The following TMC2 variants were observed in gnomAD, a reference collection of about 807,000 sequenced individuals.
TMC2 encodes the protein transmembrane channel-like protein 2.
In TMC2, 102 loss-of-function variants were observed where a neutral mutation model predicts 105.9. The ratio of observed to expected loss-of-function variants is 0.96; its 90% CI spans 0.82 to 1.14. TMC2 has a LOEUF of 1.14. TMC2 is among the 50% of genes most tolerant of loss of function. The probability of loss-of-function intolerance (pLI) is 0.00; values close to 1 mark genes in which losing one functional copy is unlikely to be tolerated. For synonymous variants in TMC2, 402 were observed against 422.8 expected (o/e 0.95, Z 0.60); for missense variants, 1,093 against 1,134.3 (o/e 0.96, Z 0.52).
At chr20:2,621,530 G>T (rs148341789) in intron 16 of TMC2, among the ~76,000 whole-genome samples, 3 of 151,696 alleles carry the variant, frequency 2.0e-5, no homozygotes, top group African/African-American at 7.3e-5. Flanking sequence ...CTAGCCAGGC[G>T]TGGTGGCAAG....
At chr20:2,581,300 C>A (rs1272840270) in intron 7 of TMC2, among the ~76,000 whole-genome samples, 2 of 152,154 alleles carry the variant, frequency 1.3e-5, no homozygotes, top group African/African-American at 2.4e-5. Context: ...TTGTTGAATT[C>A]TTTTCTATAT....
At position 2,642,560 on chromosome 20, in the gene TMC2, T is replaced by C. The variant is rs184695501; in HGVS notation, c.*1209T>C. On this transcript the variant is annotated 3_prime_UTR_variant, in exon 20 of 20. Coordinates refer to ENST00000358864, the MANE Select transcript of TMC2 (RefSeq NM_080751.3). ...GCAAAAGGTACAATGCAGAGCGTTG[T>C]CTCTGGGGATTCTATGTTCACTTAG... Among the ~76,000 whole-genome samples the C allele has an allele frequency of 1.2e-4, 18 of 152,318 alleles. No individual in the cohort carries two copies. The East Asian group carries it at 3.1e-3, about 26-fold the overall frequency.
intron 17 of TMC2, among the ~76,000 whole-genome samples, chr20:2,633,638 C>T (rs1424416720): frequency 6.6e-5 from 10 of 152,104 alleles, no homozygotes; most frequent in African/African-American, 9.7e-5. Flanking sequence ...CAAATAATGA[C>T]AGTTCTCTGG....
At chr20:2,573,499 A>G (rs1201546530) in intron 5 of TMC2, among the ~76,000 whole-genome samples, 1 of 151,116 alleles carries the variant, frequency 6.6e-6, no homozygotes, top group Non-Finnish European at 1.5e-5. Context: ...TTTTTGTGCT[A>G]ATTTTATATC....
chr20:2,575,189 A>G (rs1280818553), intron 5 of TMC2, among the ~76,000 whole-genome samples: 1 of 151,412 alleles, frequency 6.6e-6, no homozygotes, highest in Non-Finnish European at 1.5e-5. Context: ...CTGTTCAAGT[A>G]TATTTTTTTT....
chr20:2,639,295 C>G (rs1325321009), intron 19 of TMC2, among the ~76,000 whole-genome samples: 3 of 152,214 alleles, frequency 2.0e-5, no homozygotes, highest in Non-Finnish European at 4.4e-5. Context: ...TCACTCATCA[C>G]CCACTCACTG....
chr20:2,584,370 G>C (rs1324559871), intron 7 of TMC2, among the ~76,000 whole-genome samples: 3 of 143,880 alleles, frequency 2.1e-5, no homozygotes, highest in Non-Finnish European at 4.5e-5. Flanking sequence ...CGTGAACCCG[G>C]GAGGCGGAGC....
At chr20:2,555,071 G>GTT (rs769194168) in intron 2 of TMC2, among the ~76,000 whole-genome samples, 4 of 151,856 alleles carry the variant, frequency 2.6e-5, no homozygotes, top group African/African-American at 9.7e-5. Flanking sequence ...TCTCCTTGCA[G>GTT]TTTTTTTATG....
At chr20:2,611,554 C>T (rs2086438323) in intron 12 of TMC2, among the ~76,000 whole-genome samples, 1 of 152,154 alleles carries the variant, frequency 6.6e-6, no homozygotes. Context: ...GTCACTGCCT[C>T]CCGGAAGTCT....
At chr20:2,609,782 C>T (rs2086421405) in intron 11 of TMC2, among the ~76,000 whole-genome samples, 2 of 152,134 alleles carry the variant, frequency 1.3e-5, no homozygotes, top group Admixed American at 1.3e-4. Flanking sequence ...CAAGACCAGC[C>T]GAGAAGAGTT....
rs372074611 is a variant in TMC2, at chr20:2,579,999, G to A, written c.777G>A (p.Met259Ile). ...VASYFIFLRW[M>I]YGVNLVLFGL... ...CGTATTTCATCTTTCTCCGATGGATGTATGGAGTTAACCTTGTCCTTTTTG... is the reference window on the plus strand; with the variant it reads ...CGTATTTCATCTTTCTCCGATGGATATATGGAGTTAACCTTGTCCTTTTTG... The change falls in exon 7 of 20, where the codon ATG (methionine) becomes ATA (isoleucine). Residue 259 changes from methionine (M) to isoleucine (I), a missense_variant. Transcript: ENST00000358864. 3.2e-5 allele frequency: 52 copies of A among 1,613,924 alleles called. 1 individual carries two copies. The South Asian group carries it at 3.4e-4, about 11-fold the overall frequency.
chr20:2,591,917 G>T (rs2086271957), intron 7 of TMC2, among the ~76,000 whole-genome samples: 1 of 152,172 alleles, frequency 6.6e-6, no homozygotes, highest in African/African-American at 2.4e-5. Flanking sequence ...ACTTTGGGAG[G>T]CCAAGGTGGG....
chr20:2,630,903 A>C (rs999954342), intron 17 of TMC2, among the ~76,000 whole-genome samples: 4 of 152,188 alleles, frequency 2.6e-5, no homozygotes, highest in African/African-American at 9.7e-5. Flanking sequence ...CCATTCTGTC[A>C]ATCTGTGCTT....
intron 19 of TMC2, among the ~76,000 whole-genome samples, chr20:2,639,900 T>C (rs2086675885): frequency 6.6e-6 from 1 of 152,198 alleles, no homozygotes; most frequent in South Asian, 2.1e-4. Flanking sequence ...GTTTTAAAAT[T>C]AAACAGTGTC....
chr20:2,633,320 A>G (rs1267826205), intron 17 of TMC2, among the ~76,000 whole-genome samples: 1 of 65,504 alleles, frequency 1.5e-5, no homozygotes, highest in Non-Finnish European at 3.4e-5. Context: ...TCTTTCTTGG[A>G]CACATAAACA....
At chr20:2,632,941 C>A (rs1445418544) in intron 17 of TMC2, among the ~76,000 whole-genome samples, 1 of 152,170 alleles carries the variant, frequency 6.6e-6, no homozygotes, top group Non-Finnish European at 1.5e-5. Context: ...TATTATATGG[C>A]AGCCATGGAA....
chr20:2,621,940 G>A (rs1221702474), intron 16 of TMC2, among the ~76,000 whole-genome samples: 3 of 152,086 alleles, frequency 2.0e-5, no homozygotes, highest in Admixed American at 1.3e-4. Flanking sequence ...CTAATTCAAC[G>A]ACAAAATAAT....
At position 2,602,315 on chromosome 20, in the gene TMC2, C is replaced by T. The variant is rs150942490; in HGVS notation, c.1413+14C>T. 1.2e-5 allele frequency: 18 copies of T among 1,554,050 alleles called. No homozygotes were observed. The highest frequency in any genetic ancestry group is 7.0e-5 in the East Asian group (3 of 42,796). On this transcript the variant is annotated intron_variant, in intron 11 of 19. Coordinates refer to ENST00000358864, the MANE Select transcript of TMC2 (RefSeq NM_080751.3). ...GAAAGGAATGAGGTAAGAAAAACAT[C>T]GCTGATGAACTGAAGGTTGATGGCA...
Position 2,616,311 on chromosome 20 carries a change from GC to G in TMC2, c.1940+109del. The G allele has an allele frequency of 1.1e-6, 1 of 907,734 alleles. No individual in the cohort carries two copies. Among genetic ancestry groups the G allele is most frequent in the South Asian group, 1.3e-5 (1 of 74,588 alleles). 56.2% of individuals were successfully genotyped at this position (907,734 alleles called of 1,614,324 possible). A position where few individuals can be genotyped will look rare whatever the true frequency, so the allele number is the denominator to read the frequency against. On this transcript the variant is annotated intron_variant, in intron 15 of 19. Coordinates refer to ENST00000358864, the MANE Select transcript of TMC2 (RefSeq NM_080751.3). The surrounding 1 kb of genome is among the most constrained non-coding windows in gnomAD (Gnocchi z 4.8). The stretch of plus-strand genomic sequence containing the variant: ...TGGAAGAGGCTAGATAAGTCCTCTT[GC>G]CTCTCTGAACTCCCCTCTTTCACAT...
Sources: gnomAD v4.1 joint callset for allele counts (sites outside exome capture counted in the v4.1 genomes callset) on GRCh38, gnomAD v4.1.1 for gene constraint, Gnocchi (gnomAD v3.1) non-coding constraint, MANE v1.5 for transcripts, NCBI Gene and HGNC (gene_info 2026-07-23, HGNC 2026-07-21) for gene names.